The following NEK11 variants were observed in gnomAD, a reference collection of about 807,000 sequenced individuals.
NEK11 encodes the protein NIMA related kinase 11.
Under a neutral mutation model 80.7 loss-of-function variants are expected in NEK11, and 72 were observed. The ratio of observed to expected loss-of-function variants is 0.89; its 90% CI spans 0.74 to 1.08. NEK11 has a LOEUF of 1.08. Ranked by LOEUF, NEK11 falls within the 50% of genes least tolerant of loss-of-function variation. NEK11 has a pLI of 0.00. For synonymous variants in NEK11, 251 were observed against 260.7 expected, an observed-to-expected ratio of 0.96 and a Z score of 0.36; for missense variants, 764 against 763.6, an observed-to-expected ratio of 1.00 and a Z score of -0.01.
chr3:131,073,531 CAT>C (rs2148947958), intron 3 of NEK11, among the ~76,000 whole-genome samples: 1 of 152,288 alleles, frequency 6.6e-6, no homozygotes, highest in South Asian at 2.1e-4. Flanking sequence ...ATGTAATACT[CAT>C]ATGCTGCTAA....
At chr3:131,269,201 G>A (rs971998389) in intron 16 of NEK11, among the ~76,000 whole-genome samples, 2 of 152,182 alleles carry the variant, frequency 1.3e-5, no homozygotes, top group East Asian at 3.9e-4. Flanking sequence ...TAGCTTTCTG[G>A]GCTCTGTGGG....
At chr3:131,157,184 T>C (rs2090818152) in intron 10 of NEK11, among the ~76,000 whole-genome samples, 1 of 152,196 alleles carries the variant, frequency 6.6e-6, no homozygotes, top group African/African-American at 2.4e-5. Flanking sequence ...GCAAGTGAGG[T>C]GGAATTGTGT....
Position 131,337,951 on chromosome 3 carries a change from CT to C in NEK11, c.1719-11597del, listed in dbSNP as rs564025004. Among the ~76,000 whole-genome samples, 56 of 151,238 alleles carry C rather than the reference CT, an allele frequency of 3.7e-4. No individual in the cohort carries two copies. In the South Asian group the frequency reaches 8.6e-3, roughly 23 times the overall value. The stretch of plus-strand genomic sequence containing the variant: ...CAAGTGCTTGGCATAAATTTTTTTT[CT>C]TTTTTTTTGAAACGGAGTCTTGCTC... On this transcript the variant is annotated intron_variant, in intron 17 of 17. Coordinates refer to ENST00000383366, the MANE Select transcript of NEK11 (RefSeq NM_024800.5).
chr3:131,090,840 C>G (rs2076630154), intron 4 of NEK11, among the ~76,000 whole-genome samples: 1 of 152,168 alleles, frequency 6.6e-6, no homozygotes, highest in African/African-American at 2.4e-5. Flanking sequence ...TCATAGCTCA[C>G]TGCAGCCTCA....
intron 14 of NEK11, among the ~76,000 whole-genome samples, chr3:131,215,739 G>A (rs1403253297): frequency 6.6e-6 from 1 of 152,212 alleles, no homozygotes; most frequent in Non-Finnish European, 1.5e-5. Context: ...CAAGGGCCAG[G>A]AGATTCTGCC....
At chr3:131,247,490 A>T (rs1454416575) in intron 16 of NEK11, among the ~76,000 whole-genome samples, 1 of 152,034 alleles carries the variant, frequency 6.6e-6, no homozygotes, top group Non-Finnish European at 1.5e-5. Context: ...GCCTGTTTTT[A>T]TACCAGTACC....
chr3:131,301,113 C>T (rs2096656504), intron 17 of NEK11, among the ~76,000 whole-genome samples: 1 of 152,006 alleles, frequency 6.6e-6, no homozygotes, highest in Non-Finnish European at 1.5e-5. Flanking sequence ...TAACTATATT[C>T]CCAGGTGTTT....
At chr3:131,174,100 A>T (rs761293240) in intron 14 of NEK11, among the ~76,000 whole-genome samples, 9 of 152,238 alleles carry the variant, frequency 5.9e-5, no homozygotes, top group Non-Finnish European at 1.3e-4. Flanking sequence ...AACTATGAAA[A>T]TACAGCCTTG....
intron 16 of NEK11, among the ~76,000 whole-genome samples, chr3:131,246,618 G>A (rs572772418): frequency 6.6e-6 from 1 of 152,104 alleles, no homozygotes; most frequent in Admixed American, 6.5e-5. Flanking sequence ...TTTTCCTCTA[G>A]GTAGATACCT....
intron 14 of NEK11, 102 bp from the exon 15 acceptor site, chr3:131,228,426 T>C: frequency 1.9e-6 from 2 of 1,041,042 alleles, no homozygotes; most frequent in East Asian, 2.5e-5. Flanking sequence ...GGAAGCTTTG[T>C]CAACGCAAGC....
chr3:131,346,285 T>C (rs549013522), intron 17 of NEK11, among the ~76,000 whole-genome samples: 1 of 152,256 alleles, frequency 6.6e-6, no homozygotes, highest in African/African-American at 2.4e-5. Flanking sequence ...TCCCAAAACA[T>C]CATGTTGTAA....
intron 5 of NEK11, among the ~76,000 whole-genome samples, chr3:131,122,090 G>A (rs1344042645): frequency 1.3e-5 from 2 of 152,164 alleles, no homozygotes; most frequent in Non-Finnish European, 2.9e-5. Context: ...GACTGGAACT[G>A]TTCCTATTCG....
chr3:131,341,376 A>G (rs573189144), intron 17 of NEK11, among the ~76,000 whole-genome samples: 2 of 152,308 alleles, frequency 1.3e-5, no homozygotes, highest in South Asian at 4.1e-4. Flanking sequence ...TAACAATTTT[A>G]TTGTGGTCAG....
At chr3:131,073,336 C>G (rs1306050199) in intron 3 of NEK11, among the ~76,000 whole-genome samples, 2 of 152,122 alleles carry the variant, frequency 1.3e-5, no homozygotes, top group Non-Finnish European at 1.5e-5. Context: ...AACTAAAAGG[C>G]AATTTGCAAT....
rs139270671 is a variant in NEK11 at position 131,101,360 on chromosome 3, G to A, written c.337-8443G>A. 2.4e-3 allele frequency among the ~76,000 whole-genome samples: 361 copies of A among 152,012 alleles called. 1 individual carries two copies. The highest frequency in any genetic ancestry group is 8.2e-3 in the African/African-American group (340 of 41,470). The stretch of plus-strand genomic sequence containing the variant: ...GAGCTCTTTCTAACTTCTTGATGAA[G>A]GTATTTAGTACTATAAACTTTCCTC... On this transcript the variant is annotated intron_variant, in intron 4 of 17. Transcript: ENST00000383366.
intron 17 of NEK11, among the ~76,000 whole-genome samples, chr3:131,283,125 C>T (rs948815435): frequency 1.4e-4 from 22 of 152,148 alleles, no homozygotes; most frequent in African/African-American, 5.1e-4. Flanking sequence ...CAAGGCTACA[C>T]TTCAAATAGA....
chr3:131,215,267 C>T (rs1267327855), intron 14 of NEK11, among the ~76,000 whole-genome samples: 2 of 103,564 alleles, frequency 1.9e-5, no homozygotes, highest in Non-Finnish European at 3.7e-5. Context: ...ACACCGGGGC[C>T]TGTTGTGGGG....
intron 15 of NEK11, among the ~76,000 whole-genome samples, chr3:131,242,290 T>C (rs1459839627): frequency 6.6e-6 from 1 of 152,154 alleles, no homozygotes. Flanking sequence ...GGAAGGAGAC[T>C]TGAAGAACAT....
At chr3:131,291,162 T>C (rs1056806054) in intron 17 of NEK11, among the ~76,000 whole-genome samples, 2 of 152,244 alleles carry the variant, frequency 1.3e-5, no homozygotes, top group African/African-American at 4.8e-5. Flanking sequence ...TTTTCTGGAA[T>C]GTCATATAGT....
Sources: allele counts gnomAD v4.1 joint callset (sites outside exome capture counted in the v4.1 genomes callset), GRCh38; gene constraint gnomAD v4.1.1; transcripts MANE v1.5; gene names NCBI Gene and HGNC (gene_info 2026-07-23, HGNC 2026-07-21).